Variants in NCALD observed in about 807,000 individuals in gnomAD.
NCALD encodes neurocalcin-delta.
NCALD carries 10 observed loss-of-function variants against 18.6 expected under a neutral mutation model. The observed-to-expected ratio is 0.54, with a 90% CI of 0.33 to 0.91. The LOEUF is 0.91. Ranked by LOEUF, NCALD falls within the 40% of genes least tolerant of loss-of-function variation. The probability of loss-of-function intolerance (pLI) is 0.03; values close to 1 mark genes in which losing one functional copy is unlikely to be tolerated. For missense variants in NCALD, 184 were observed against 247.6 expected (o/e 0.74, Z 1.72); for synonymous variants, 88 against 87.4 (o/e 1.01, Z -0.04).
At chr8:101,820,835 G>A (rs898058651) in intron 4 of NCALD, among the ~76,000 whole-genome samples, 1 of 152,128 alleles carries the variant, frequency 6.6e-6, no homozygotes, top group Non-Finnish European at 1.5e-5. Flanking sequence ...CAATATTTGC[G>A]TTAGCTACAT....
intron 4 of NCALD, among the ~76,000 whole-genome samples, chr8:101,832,896 C>T (rs569936229): frequency 6.6e-6 from 1 of 152,308 alleles, no homozygotes; most frequent in East Asian, 1.9e-4. Context: ...CCCTGTCTGT[C>T]CACCAGGCAA....
chr8:101,912,080 T>C (rs1296519435), intron 3 of NCALD, among the ~76,000 whole-genome samples: 1 of 152,240 alleles, frequency 6.6e-6, no homozygotes, highest in Non-Finnish European at 1.5e-5. Context: ...CATGCCAGTA[T>C]TTTTGTAATT....
chr8:102,049,767 G>A (rs1048968979), intron 1 of NCALD, among the ~76,000 whole-genome samples: 1 of 152,138 alleles, frequency 6.6e-6, no homozygotes, highest in Non-Finnish European at 1.5e-5. Flanking sequence ...TTAATCTACA[G>A]TCCCTAATGA....
chr8:101,692,444 C>T, intron 3 of NCALD: 2 of 985,446 alleles, frequency 2.0e-6, no homozygotes, highest in African/African-American at 3.5e-5. Flanking sequence ...ATGAACTGGA[C>T]TGCAGGGACC....
chr8:101,777,653 C>T (rs1236291937), intron 1 of NCALD, among the ~76,000 whole-genome samples: 1 of 152,190 alleles, frequency 6.6e-6, no homozygotes, highest in Non-Finnish European at 1.5e-5. Flanking sequence ...GCCAATCATA[C>T]ATCAGCACAC....
intron 3 of NCALD, among the ~76,000 whole-genome samples, chr8:101,898,304 C>G (rs1262871877): frequency 6.6e-6 from 1 of 152,162 alleles, no homozygotes; most frequent in Non-Finnish European, 1.5e-5. Context: ...TGCTGAACAT[C>G]TTTTCATGAG....
At chr8:102,101,432 C>CCTCT (rs1424635771) in intron 1 of NCALD, among the ~76,000 whole-genome samples, 1 of 152,150 alleles carries the variant, frequency 6.6e-6, no homozygotes, top group Non-Finnish European at 1.5e-5. Context: ...AATTAGCAGC[C>CCTCT]CTCTATAAAC....
chr8:101,915,332 A>C (rs1817935857), intron 3 of NCALD, among the ~76,000 whole-genome samples: 1 of 152,182 alleles, frequency 6.6e-6, no homozygotes, highest in South Asian at 2.1e-4. Context: ...GAATTAATTC[A>C]CCCACACGTT....
At chr8:101,943,418 C>T (rs969401602) in intron 2 of NCALD, among the ~76,000 whole-genome samples, 3 of 152,174 alleles carry the variant, frequency 2.0e-5, no homozygotes, top group African/African-American at 7.2e-5. Flanking sequence ...CCCCGTTCCT[C>T]TTATCAGGAA....
At chr8:102,001,774 C>A (rs1246456869) in intron 2 of NCALD, among the ~76,000 whole-genome samples, 1 of 152,142 alleles carries the variant, frequency 6.6e-6, no homozygotes, top group African/African-American at 2.4e-5. Flanking sequence ...TCCAGCCAAA[C>A]TAAGCTTCAT....
At chr8:102,007,020 G>GA (rs1434590331) in intron 2 of NCALD, among the ~76,000 whole-genome samples, 2 of 152,136 alleles carry the variant, frequency 1.3e-5, no homozygotes, top group Non-Finnish European at 2.9e-5. Context: ...CACTTCTAGT[G>GA]TCTGAGAACC....
chr8:102,097,357 C>G (rs919484253), intron 1 of NCALD, among the ~76,000 whole-genome samples: 1 of 152,194 alleles, frequency 6.6e-6, no homozygotes, highest in African/African-American at 2.4e-5. Context: ...TGCATCTGCA[C>G]AACAAGCCTG....
intron 1 of NCALD, among the ~76,000 whole-genome samples, chr8:101,751,790 A>G (rs1810671210): frequency 6.6e-6 from 1 of 152,224 alleles, no homozygotes; most frequent in African/African-American, 2.4e-5. Flanking sequence ...TTCGGGAGAC[A>G]GCCTGCCCCA....
intron 2 of NCALD, among the ~76,000 whole-genome samples, chr8:101,960,487 G>A (rs1819797026): frequency 6.6e-6 from 1 of 152,088 alleles, no homozygotes. Flanking sequence ...GAATAGTGTG[G>A]CTAGTGGAGG....
intron 2 of NCALD, among the ~76,000 whole-genome samples, chr8:101,718,062 T>C (rs1250064142): frequency 6.6e-6 from 1 of 152,132 alleles, no homozygotes; most frequent in Non-Finnish European, 1.5e-5. Flanking sequence ...TAGGAAACAG[T>C]TTAAGAAATT....
chr8:101,884,365 G>A (rs114285245), intron 4 of NCALD, among the ~76,000 whole-genome samples: 3,270 of 152,206 alleles, frequency 0.021, 59 homozygotes, highest in African/African-American at 0.05. Flanking sequence ...CTTCTCAGCC[G>A]CATGCCTTCC....
Position 101,936,546 on chromosome 8 carries a change from G to A in NCALD, c.-156-20688C>T, listed in dbSNP as rs541334821. ...AGTAGAATGCTAGCAACAGATTATAGAAGGTATGTAGTTATTGGTAAGAGC... is the reference window on the plus strand; with the variant it reads ...AGTAGAATGCTAGCAACAGATTATAAAAGGTATGTAGTTATTGGTAAGAGC... On this transcript the variant is annotated intron_variant, in intron 2 of 6. Coordinates refer to the NCALD transcript ENST00000311028. Among the ~76,000 whole-genome samples, 12 of 152,290 alleles carry A rather than the reference G, an allele frequency of 7.9e-5. No individual in the cohort carries two copies. The South Asian group carries it at 2.1e-3, about 26-fold the overall frequency.
intron 4 of NCALD, among the ~76,000 whole-genome samples, chr8:101,866,362 G>C (rs1188485467): frequency 6.6e-6 from 1 of 152,104 alleles, no homozygotes; most frequent in South Asian, 2.1e-4. Context: ...ATACTTTCCA[G>C]GTGATCTTAT....
intron 4 of NCALD, among the ~76,000 whole-genome samples, chr8:101,853,701 G>A (rs1252787337): frequency 6.6e-6 from 1 of 152,154 alleles, no homozygotes; most frequent in Admixed American, 6.5e-5. Context: ...CCAGTGGAAA[G>A]CAATTGCTGG....
Sources: allele counts gnomAD v4.1 joint callset (sites outside exome capture counted in the v4.1 genomes callset), GRCh38; gene constraint gnomAD v4.1.1; transcripts MANE v1.5; gene names NCBI Gene and HGNC (gene_info 2026-07-23, HGNC 2026-07-21).